The following CEP89 variants were observed in gnomAD, a reference collection of about 807,000 sequenced individuals.
The protein encoded by CEP89 is centrosomal protein of 89 kDa.
Under a neutral mutation model 97.6 loss-of-function variants are expected in CEP89, and 95 were observed. That is an observed-to-expected ratio of 0.97 (90% CI 0.82 to 1.15). The LOEUF (loss-of-function observed/expected upper bound fraction) is 1.15, where lower values mean the gene tolerates loss of function less well. Among genes scored for constraint, CEP89 ranks in the 50% most tolerant of loss-of-function variants. The probability of loss-of-function intolerance (pLI) is 0.00; values close to 1 mark genes in which losing one functional copy is unlikely to be tolerated. For synonymous variants in CEP89, 354 were observed against 349.1 expected, an observed-to-expected ratio of 1.01 and a Z score of -0.16; for missense variants, 869 against 947.7, an observed-to-expected ratio of 0.92 and a Z score of 1.09.
chr19:32,924,478 C>T (rs1970315519), intron 11 of CEP89, among the ~76,000 whole-genome samples: 1 of 152,206 alleles, frequency 6.6e-6, no homozygotes, highest in African/African-American at 2.4e-5. Flanking sequence ...TGAGCCTCCT[C>T]CATCAGGGCT....
intron 7 of CEP89, 102 bp downstream of exon 7, chr19:32,937,529 A>C (rs767241212): frequency 9.9e-7 from 1 of 1,007,420 alleles, no homozygotes; most frequent in South Asian, 1.4e-5. Flanking sequence ...TCAACAACTA[A>C]TACAAGAAAA....
At chr19:32,931,914 G>A (rs1970483205) in intron 8 of CEP89, among the ~76,000 whole-genome samples, 1 of 152,226 alleles carries the variant, frequency 6.6e-6, no homozygotes, top group African/African-American at 2.4e-5. Context: ...GGGTGCGGTG[G>A]CTCACGCCTG....
intron 16 of CEP89, among the ~76,000 whole-genome samples, chr19:32,898,028 G>A (rs1332169440): frequency 6.6e-6 from 1 of 152,038 alleles, no homozygotes; most frequent in Non-Finnish European, 1.5e-5. Context: ...CAACTGCTGG[G>A]TATTTATTCA....
chr19:32,950,921 G>A (rs935473248), intron 4 of CEP89, among the ~76,000 whole-genome samples: 6 of 152,136 alleles, frequency 3.9e-5, no homozygotes, highest in Non-Finnish European at 8.8e-5. Context: ...CTAATTAAAT[G>A]CATGTAAATT....
chr19:32,900,352 T>G lies in CEP89; in HGVS notation c.1734-354A>C, dbSNP rs562368262. On this transcript the variant is annotated intron_variant, in intron 15 of 18. Coordinates refer to ENST00000305768, the MANE Select transcript of CEP89 (RefSeq NM_032816.5). ...CCTCCGCCTCTCAGGTTCAAGTGAT[T>G]CTCATGCCTCAGCCTCCTGAGTAGT... Among the ~76,000 whole-genome samples, 22 of 151,650 alleles carry G rather than the reference T, an allele frequency of 1.5e-4. No homozygotes were observed. In the South Asian group the frequency reaches 4.6e-3, roughly 32 times the overall value.
At chr19:32,919,230 C>T (rs892360553) in intron 12 of CEP89, among the ~76,000 whole-genome samples, 3 of 152,092 alleles carry the variant, frequency 2.0e-5, no homozygotes, top group African/African-American at 2.4e-5. Context: ...GCTTTCCTCT[C>T]AGCACAAACA....
intron 8 of CEP89, among the ~76,000 whole-genome samples, chr19:32,932,655 A>T (rs970977270): frequency 1.3e-5 from 2 of 152,162 alleles, no homozygotes; most frequent in Non-Finnish European, 2.9e-5. Flanking sequence ...AAAGTGGGCA[A>T]CTTGGCCATG....
At chr19:32,902,277 G>A (rs1161881550) in intron 14 of CEP89, among the ~76,000 whole-genome samples, 1 of 151,890 alleles carries the variant, frequency 6.6e-6, no homozygotes, top group Non-Finnish European at 1.5e-5. Flanking sequence ...TTGGGATAGG[G>A]GCTGCATCCT....
intron 4 of CEP89, among the ~76,000 whole-genome samples, chr19:32,948,633 AGCCATGTT>A (rs573373560): frequency 6.6e-6 from 1 of 152,124 alleles, no homozygotes; most frequent in Non-Finnish European, 1.5e-5. Flanking sequence ...TCCACATCCC[AGCCATGTT>A]GCCAGGGCAG....
At chr19:32,895,144 C>T (rs1388052698) in intron 16 of CEP89, among the ~76,000 whole-genome samples, 2 of 152,038 alleles carry the variant, frequency 1.3e-5, no homozygotes, top group Non-Finnish European at 2.9e-5. Flanking sequence ...CAATACCCTG[C>T]TACCAAAACC....
At chr19:32,944,220 T>TAAAAAAAAAAAAAAAAAAAAAAAAAAAA (rs750448528) in intron 5 of CEP89, among the ~76,000 whole-genome samples, 1 of 62,420 alleles carries the variant, frequency 1.6e-5, no homozygotes. Context: ...TGAGACCCTG[T>TAAAAAAAAAAAAAAAAAAAAAAAAAAAA]AAAAAAAAAA....
At chr19:32,939,099 T>A (rs1468899677) in intron 6 of CEP89, among the ~76,000 whole-genome samples, 2 of 151,688 alleles carry the variant, frequency 1.3e-5, no homozygotes, top group East Asian at 3.9e-4. Flanking sequence ...AATTTTTTTT[T>A]AATTAGCCAG....
rs200655693 is a variant in CEP89, at chr19:32,966,431, G to C, written c.75C>G (p.Ser25Arg). 2.6e-6 allele frequency: 4 copies of C among 1,561,470 alleles called. No homozygotes were observed. The East Asian group carries it at 9.7e-5, about 38-fold the overall frequency. The change falls in exon 2 of 19, where the codon AGC becomes AGG. Residue 25 changes from serine to arginine, a missense_variant. Physicochemically the swap from Ser to Arg is moderately radical, Grantham distance 110 (BLOSUM62 -1). Transcript: ENST00000305768. The stretch of plus-strand genomic sequence containing the variant: ...GTGGCACAGCTGCCTTCGGAGCAAC[G>C]CTGGCTGCAGGTAAAAGGCCATGGA... ...HIIHGLLPAA[S>R]VAPKAAVPRT...
rs965941132 is a variant in CEP89, at chr19:32,946,663, C to T, written c.595+1603G>A. Among the ~76,000 whole-genome samples, 18 of 152,006 alleles carry T rather than the reference C, an allele frequency of 1.2e-4. 1 individual carries two copies. The highest frequency in any genetic ancestry group is 1.2e-4 in the Non-Finnish European group (8 of 68,008). On this transcript the variant is annotated intron_variant, in intron 5 of 18. Coordinates refer to ENST00000305768, the MANE Select transcript of CEP89 (RefSeq NM_032816.5). ...AGTGGGAGATAATTGAATCATGGGG[C>T]GGTTTCCCCCATACTGTTCTCGTGG... is the stretch of plus-strand genomic sequence containing the variant.
At chr19:32,906,612 G>T (rs145329618) in intron 14 of CEP89, among the ~76,000 whole-genome samples, 5 of 151,738 alleles carry the variant, frequency 3.3e-5, no homozygotes, top group Non-Finnish European at 5.9e-5. Flanking sequence ...CAGGCATCCT[G>T]CCTTGAATCA....
chr19:32,908,877 A>G (rs552685797), intron 14 of CEP89, among the ~76,000 whole-genome samples: 1 of 152,364 alleles, frequency 6.6e-6, no homozygotes, highest in South Asian at 2.1e-4. Flanking sequence ...GTGTAGGGAT[A>G]AAAGGGCTCA....
intron 11 of CEP89, among the ~76,000 whole-genome samples, chr19:32,925,375 A>G (rs1970333442): frequency 1.3e-5 from 2 of 152,174 alleles, no homozygotes; most frequent in Admixed American, 6.5e-5. Flanking sequence ...TCCATTTCCA[A>G]CAGCTCAGCA....
intron 8 of CEP89, among the ~76,000 whole-genome samples, chr19:32,931,948 G>A (rs763444711): frequency 2.1e-4 from 32 of 152,284 alleles, no homozygotes; most frequent in African/African-American, 5.3e-4. Context: ...TTGGGAGGCC[G>A]AGGCGGGTGG....
At chr19:32,897,652 C>T (rs1969672040) in intron 16 of CEP89, among the ~76,000 whole-genome samples, 1 of 152,078 alleles carries the variant, frequency 6.6e-6, no homozygotes, top group South Asian at 2.1e-4. Flanking sequence ...TGATCGACCT[C>T]CTAGGCTTAA....
Sources: allele counts gnomAD v4.1 joint callset (sites outside exome capture counted in the v4.1 genomes callset), GRCh38; gene constraint gnomAD v4.1.1; transcripts MANE v1.5; gene names NCBI Gene and HGNC (gene_info 2026-07-23, HGNC 2026-07-21).